Variants in CALN1 observed in about 807,000 individuals in gnomAD.
The protein encoded by CALN1 is calneuron 1.
Under a neutral mutation model 30.6 loss-of-function variants are expected in CALN1, and 17 were observed. The ratio of observed to expected loss-of-function variants is 0.56; its 90% CI spans 0.38 to 0.83. The LOEUF is 0.83. CALN1 is among the 40% of genes least tolerant of loss of function. The pLI is 0.00. For missense variants in CALN1, 291 were observed against 354.9 expected, an observed-to-expected ratio of 0.82 and a Z score of 1.45; for synonymous variants, 156 against 131.4, an observed-to-expected ratio of 1.19 and a Z score of -1.28.
chr7:72,051,516 C>T (rs957776335), intron 4 of CALN1, among the ~76,000 whole-genome samples: 1 of 152,032 alleles, frequency 6.6e-6, no homozygotes, highest in Non-Finnish European at 1.5e-5. Context: ...TGAGTTTTTT[C>T]CTGTTGTTGA....
At chr7:71,951,257 A>AAAAC (rs775014737) in intron 5 of CALN1, among the ~76,000 whole-genome samples, 1 of 152,204 alleles carries the variant, frequency 6.6e-6, no homozygotes, top group Non-Finnish European at 1.5e-5. Context: ...TACTCTCCAG[A>AAAAC]AAACACTCTC....
At chr7:71,798,559 G>C (rs1303567401) in intron 6 of CALN1, among the ~76,000 whole-genome samples, 1 of 150,696 alleles carries the variant, frequency 6.6e-6, no homozygotes, top group African/African-American at 2.4e-5. Context: ...TCCCACCTTT[G>C]CCTCCCAAAG....
At chr7:72,158,187 C>T (rs914076903) in intron 3 of CALN1, among the ~76,000 whole-genome samples, 1 of 152,238 alleles carries the variant, frequency 6.6e-6, no homozygotes, top group Non-Finnish European at 1.5e-5. Flanking sequence ...GACAAGGTCT[C>T]TTCCGTCATG....
intron 4 of CALN1, among the ~76,000 whole-genome samples, chr7:72,079,761 CTTTTTTTT>C (rs3065015): frequency 0.018 from 1,860 of 104,028 alleles, 42 homozygotes; most frequent in African/African-American, 0.05. Context: ...TGCCTTTTTC[CTTTTTTTT>C]TTTTTTTTTT....
At chr7:72,046,228 A>G (rs902295698) in intron 4 of CALN1, among the ~76,000 whole-genome samples, 4 of 151,928 alleles carry the variant, frequency 2.6e-5, no homozygotes, top group African/African-American at 7.2e-5. Context: ...TGGAAGCCTC[A>G]GGCTCCAGTT....
intron 5 of CALN1, among the ~76,000 whole-genome samples, chr7:71,875,261 T>C (rs1792180174): frequency 6.7e-6 from 1 of 149,968 alleles, no homozygotes; most frequent in African/African-American, 2.5e-5. Flanking sequence ...CAAGGAGCCA[T>C]GCAGGAGACC....
intron 3 of CALN1, among the ~76,000 whole-genome samples, chr7:72,139,953 C>G (rs1393498182): frequency 6.6e-6 from 1 of 152,140 alleles, no homozygotes; most frequent in African/African-American, 2.4e-5. Context: ...CCTCTGTAAT[C>G]TCGTTGGAAT....
In CALN1 at chr7:72,344,643, TA is replaced by T. The variant is rs560047154; in HGVS notation, c.119+58607del. Among the ~76,000 whole-genome samples, 62 of 122,114 alleles carry T rather than the reference TA, an allele frequency of 5.1e-4. No individual in the cohort carries two copies. In the East Asian group the frequency reaches 0.011, roughly 22 times the overall value. 80.1% of individuals were successfully genotyped at this position (122,114 alleles called of 152,430 possible). A position where few individuals can be genotyped will look rare whatever the true frequency, so the allele number is the denominator to read the frequency against. On this transcript the variant is annotated intron_variant, in intron 2 of 6. Transcript: ENST00000395275. Reference sequence around the variant, plus strand: ...ATATATAAATTTAAATATATATTTATATTTTTTTATTTATATAAATATATAT... The same window carrying T: ...ATATATAAATTTAAATATATATTTATTTTTTTTATTTATATAAATATATAT...
At chr7:72,460,260 G>T in the CALN1 span, among the ~76,000 whole-genome samples, 1 of 152,162 alleles carries the variant, frequency 6.6e-6, no homozygotes, top group Non-Finnish European at 1.5e-5. Context: ...ATTCAGAGGG[G>T]ACAAACATCC....
intron 2 of CALN1, among the ~76,000 whole-genome samples, chr7:72,381,644 GAAT>G (rs750108071): frequency 4.6e-5 from 7 of 152,264 alleles, no homozygotes; most frequent in Admixed American, 3.9e-4. Context: ...AGCGGGAGCT[GAAT>G]AATGAGAACG....
chr7:72,459,502 T>C, the CALN1 span, among the ~76,000 whole-genome samples: 1 of 151,950 alleles, frequency 6.6e-6, no homozygotes. Context: ...GTGCAGGCCT[T>C]ATAGTCCTAG....
At chr7:72,317,441 C>T (rs1800562451) in intron 2 of CALN1, among the ~76,000 whole-genome samples, 1 of 152,222 alleles carries the variant, frequency 6.6e-6, no homozygotes, top group African/African-American at 2.4e-5. Context: ...ACAATGAAGG[C>T]TGAGAGGATC....
At chr7:72,405,285 C>T (rs1482575248) in intron 1 of CALN1, among the ~76,000 whole-genome samples, 1 of 152,270 alleles carries the variant, frequency 6.6e-6, no homozygotes, top group Non-Finnish European at 1.5e-5. Flanking sequence ...CAAACACATA[C>T]ATGCACACAC....
chr7:72,367,100 T>A (rs901824074), intron 2 of CALN1, among the ~76,000 whole-genome samples: 1 of 133,236 alleles, frequency 7.5e-6, no homozygotes, highest in African/African-American at 2.6e-5. Context: ...CATGATTATA[T>A]TTTAATAATA....
At chr7:72,391,703 A>G (rs1001282930) in intron 2 of CALN1, among the ~76,000 whole-genome samples, 1 of 151,954 alleles carries the variant, frequency 6.6e-6, no homozygotes, top group East Asian at 1.9e-4. Context: ...CCCCTGCACA[A>G]GTTTTTTTGT....
intron 5 of CALN1, among the ~76,000 whole-genome samples, chr7:71,987,603 C>T (rs989632485): frequency 2.0e-5 from 3 of 152,154 alleles, no homozygotes; most frequent in Non-Finnish European, 2.9e-5. Flanking sequence ...GAAAGTGTTA[C>T]GCAACCCCCA....
chr7:72,216,120 T>G (rs1792791311), intron 3 of CALN1, among the ~76,000 whole-genome samples: 1 of 152,040 alleles, frequency 6.6e-6, no homozygotes. Context: ...TTGTTGACCT[T>G]AAATATCACT....
chr7:72,217,479 T>C (rs1792916315), intron 3 of CALN1, among the ~76,000 whole-genome samples: 1 of 152,174 alleles, frequency 6.6e-6, no homozygotes, highest in African/African-American at 2.4e-5. Context: ...AGCAACCAGT[T>C]ACTCTTCAAA....
intron 3 of CALN1, among the ~76,000 whole-genome samples, chr7:72,245,742 T>C (rs1326593859): frequency 6.6e-6 from 1 of 152,220 alleles, no homozygotes. Flanking sequence ...GGGATTTTCA[T>C]CCAGGTATCT....
Sources: gnomAD v4.1 joint callset for allele counts (sites outside exome capture counted in the v4.1 genomes callset) on GRCh38, gnomAD v4.1.1 for gene constraint, MANE v1.5 for transcripts, NCBI Gene and HGNC (gene_info 2026-07-23, HGNC 2026-07-21) for gene names.